Variants in GPHN observed in about 807,000 individuals in gnomAD.
GPHN encodes gephyrin.
In GPHN, 17 loss-of-function variants were observed where a neutral mutation model predicts 95.5. The observed-to-expected ratio is 0.18, with a 90% CI of 0.12 to 0.27. The LOEUF (loss-of-function observed/expected upper bound fraction) is 0.27. Ranked by LOEUF, GPHN falls within the 10% of genes least tolerant of loss-of-function variation. The probability of loss-of-function intolerance (pLI) is 1.00; values close to 1 mark genes in which losing one functional copy is unlikely to be tolerated. For missense variants in GPHN, 660 were observed against 978.1 expected, an observed-to-expected ratio of 0.67 and a Z score of 4.34; for synonymous variants, 320 against 322.5, an observed-to-expected ratio of 0.99 and a Z score of 0.08.
chr14:66,859,131 A>C (rs1474730282), intron 4 of GPHN, among the ~76,000 whole-genome samples: 1 of 152,162 alleles, frequency 6.6e-6, no homozygotes, highest in African/African-American at 2.4e-5. Context: ...ACATCTGTTA[A>C]TCGTACAGCC....
At chr14:67,570,004 C>T in the GPHN span, 2 of 1,592,022 alleles carry the variant, frequency 1.3e-6, no homozygotes, top group Non-Finnish European at 1.7e-6. Flanking sequence ...CTACACAGCA[C>T]TGAAGGGGGT....
chr14:66,583,229 GTTGT>G (rs1431857304), intron 1 of GPHN, among the ~76,000 whole-genome samples: 3 of 152,106 alleles, frequency 2.0e-5, no homozygotes, highest in African/African-American at 4.8e-5. Flanking sequence ...TTTTGATGTG[GTTGT>G]TTGTTTTTTT....
At chr14:66,877,467 A>G (rs1390282031) in intron 4 of GPHN, among the ~76,000 whole-genome samples, 1 of 152,210 alleles carries the variant, frequency 6.6e-6, no homozygotes, top group Admixed American at 6.5e-5. Flanking sequence ...AGATGACATG[A>G]TTGTATATTT....
At chr14:67,067,002 GA>G in intron 11 of GPHN, among the ~76,000 whole-genome samples, 1 of 152,180 alleles carries the variant, frequency 6.6e-6, no homozygotes, top group Non-Finnish European at 1.5e-5. Context: ...CTTTGGAGGA[GA>G]AAAGGCGCTC....
At chr14:67,363,336 A>G in the GPHN span, among the ~76,000 whole-genome samples, 53 of 151,914 alleles carry the variant, frequency 3.5e-4, no homozygotes, top group Non-Finnish European at 5.6e-4. Flanking sequence ...TGTATTCCCT[A>G]CAAAGAAATA....
chr14:67,643,209 T>G, the GPHN span, among the ~76,000 whole-genome samples: 126 of 152,356 alleles, frequency 8.3e-4, 2 homozygotes, highest in African/African-American at 2.7e-3. Flanking sequence ...AGCACTGTTC[T>G]GATATTTTCT....
the GPHN span, among the ~76,000 whole-genome samples, chr14:67,544,796 A>G: frequency 3.3e-5 from 5 of 152,262 alleles, no homozygotes; most frequent in African/African-American, 4.8e-5. Flanking sequence ...AATGGACAGG[A>G]AGACAGACCT....
intron 1 of GPHN, among the ~76,000 whole-genome samples, chr14:66,519,266 C>T (rs1315406241): frequency 3.9e-5 from 6 of 151,900 alleles, no homozygotes; most frequent in Non-Finnish European, 7.4e-5. Flanking sequence ...AATTAAGCCT[C>T]ATCACATTAC....
intron 12 of GPHN, among the ~76,000 whole-genome samples, chr14:67,092,290 G>C (rs2077179645): frequency 6.6e-6 from 1 of 151,980 alleles, no homozygotes; most frequent in Non-Finnish European, 1.5e-5. Flanking sequence ...ACCACCCCCA[G>C]GCAGTGTTTT....
At position 67,058,749 on chromosome 14, in the gene GPHN, G is replaced by T. The variant is rs760589848; in HGVS notation, c.1107G>T (p.Met369Ile). The T allele has an allele frequency of 6.2e-7, 1 of 1,613,714 alleles. No individual in the cohort carries two copies. Among genetic ancestry groups the T allele is most frequent in the Non-Finnish European group, 8.5e-7 (1 of 1,179,650 alleles). Residue 369 changes from methionine (M) to isoleucine (I), a missense_variant, in exon 11 of 23, where the codon ATG becomes ATT. Met to Ile is a conservative substitution (Grantham distance 10, BLOSUM62 1). Transcript: ENST00000478722. ...MDKAFITVLE[M>I]TPVLGTEIIN... ...AAGCCTTTATCACAGTCCTGGAGAT[G>T]ACTCCGGTGCTTGGGACAGAAATCA...
chr14:66,805,649 G>A (rs1004381485), intron 3 of GPHN, among the ~76,000 whole-genome samples: 6 of 152,188 alleles, frequency 3.9e-5, no homozygotes, highest in African/African-American at 1.4e-4. Flanking sequence ...CAGGCTCCAT[G>A]CAAGTCTGAA....
intron 1 of GPHN, among the ~76,000 whole-genome samples, chr14:66,546,758 C>G (rs952309598): frequency 1.8e-5 from 2 of 112,684 alleles, no homozygotes; most frequent in East Asian, 3.0e-4. Context: ...AGAGGGAGAC[C>G]GTGGAAAGAG....
At chr14:66,998,898 T>C (rs2072011162) in intron 9 of GPHN, among the ~76,000 whole-genome samples, 2 of 145,900 alleles carry the variant, frequency 1.4e-5, no homozygotes, top group Admixed American at 1.4e-4. Context: ...AATATATATA[T>C]ATATATACAC....
chr14:67,473,441 G>A, the GPHN span: 522 of 1,614,080 alleles, frequency 3.2e-4, 6 homozygotes, highest in East Asian at 9.0e-3. The surrounding 1 kb of genome is among the most constrained non-coding windows in gnomAD (Gnocchi z 6.5). Context: ...TGACATGGCC[G>A]TTGGCCAGGG....
the GPHN span, among the ~76,000 whole-genome samples, chr14:67,239,817 C>CTT: frequency 6.6e-6 from 1 of 152,192 alleles, no homozygotes; most frequent in African/African-American, 2.4e-5. Flanking sequence ...GATTGCGCCA[C>CTT]TTTACTCCAG....
At chr14:67,562,622 C>A in the GPHN span, 1 of 1,612,944 alleles carries the variant, frequency 6.2e-7, no homozygotes, top group Admixed American at 1.7e-5. Flanking sequence ...GGCCAAAAGG[C>A]ACCACAGCCA....
intron 1 of GPHN, among the ~76,000 whole-genome samples, chr14:66,657,814 T>G (rs564105232): frequency 6.6e-6 from 1 of 152,310 alleles, no homozygotes; most frequent in South Asian, 2.1e-4. Context: ...AGAGCTCTGA[T>G]GAAAATGTAC....
intron 10 of GPHN, among the ~76,000 whole-genome samples, chr14:67,033,208 G>A (rs1380669703): frequency 6.6e-6 from 1 of 152,062 alleles, no homozygotes; most frequent in Non-Finnish European, 1.5e-5. Context: ...TGGAAGACAG[G>A]TCATTTGAAA....
At chr14:67,393,536 C>T in the GPHN span, among the ~76,000 whole-genome samples, 2 of 152,088 alleles carry the variant, frequency 1.3e-5, no homozygotes, top group African/African-American at 4.8e-5. Context: ...TAACTGTGAC[C>T]TCCGCCTCCC....
Sources: allele counts gnomAD v4.1 joint callset (sites outside exome capture counted in the v4.1 genomes callset), GRCh38; gene constraint gnomAD v4.1.1; non-coding constraint Gnocchi (gnomAD v3.1); transcripts MANE v1.5; gene names NCBI Gene and HGNC (gene_info 2026-07-23, HGNC 2026-07-21).